Variants in ZNF721 observed in about 807,000 individuals in gnomAD.
The protein encoded by ZNF721 is zinc finger protein 721.
A neutral mutation model predicts 2.4 loss-of-function variants in ZNF721; 2 were observed. That is an observed-to-expected ratio of 0.82 (90% CI 0.34 to 2.58). The LOEUF (loss-of-function observed/expected upper bound fraction) is 2.58. Ranked by LOEUF, ZNF721 falls within the 30% of genes most tolerant of loss-of-function variation. The pLI is 0.11. For synonymous variants in ZNF721, 398 were observed against 381.8 expected, an observed-to-expected ratio of 1.04 and a Z score of -0.50; for missense variants, 1,187 against 1,085.5, an observed-to-expected ratio of 1.09 and a Z score of -1.31.
chr4:487,804 C>G (rs1715933769), intron 1 of ZNF721, among the ~76,000 whole-genome samples: 1 of 152,122 alleles, frequency 6.6e-6, no homozygotes. Context: ...GGTCTGGGAG[C>G]AGGGAACCTA....
chr4:496,738 G>A (rs1185810057), intron 1 of ZNF721, among the ~76,000 whole-genome samples: 4 of 96,628 alleles, frequency 4.1e-5, no homozygotes, highest in Non-Finnish European at 8.8e-5. Flanking sequence ...TTTTTGAGAC[G>A]GAGTCTCGCT....
intron 2 of ZNF721, among the ~76,000 whole-genome samples, chr4:471,239 C>T (rs1225512308): frequency 6.6e-6 from 1 of 152,052 alleles, no homozygotes; most frequent in Non-Finnish European, 1.5e-5. Flanking sequence ...TCCAGCAATA[C>T]CACTTCTGGT....
intron 2 of ZNF721, among the ~76,000 whole-genome samples, chr4:446,829 A>C (rs976629455): frequency 2.6e-5 from 4 of 152,014 alleles, no homozygotes; most frequent in Non-Finnish European, 5.9e-5. Flanking sequence ...AGTAGCTGGG[A>C]CTACAGGCGC....
At chr4:474,766 C>T (rs1715581601) in intron 1 of ZNF721, among the ~76,000 whole-genome samples, 2 of 152,034 alleles carry the variant, frequency 1.3e-5, no homozygotes, top group Admixed American at 6.5e-5. Context: ...ATCCCAGCTA[C>T]TCATGAAGCT....
chr4:441,395 G>A lies in ZNF721; in HGVS notation c.*300C>T, dbSNP rs551084867. ...TTTGTATTTCCAGGTGTTTTCTTCAGTAGGAATTACATTAAGAACTGACTA... is the reference window on the plus strand; with the variant it reads ...TTTGTATTTCCAGGTGTTTTCTTCAATAGGAATTACATTAAGAACTGACTA... On this transcript the variant is annotated 3_prime_UTR_variant, in exon 3 of 3. Coordinates refer to ENST00000511833, the MANE Select transcript of ZNF721 (RefSeq NM_133474.4). 1.3e-5 allele frequency: 3 copies of A among 238,562 alleles called. No individual in the cohort carries two copies. The East Asian group carries it at 2.6e-4, about 21-fold the overall frequency. 14.8% of individuals were successfully genotyped at this position (238,562 alleles called of 1,614,324 possible). A position where few individuals can be genotyped will look rare whatever the true frequency, so the allele number is the denominator to read the frequency against.
intron 1 of ZNF721, among the ~76,000 whole-genome samples, chr4:492,292 A>G (rs1417211617): frequency 6.6e-6 from 1 of 152,224 alleles, no homozygotes; most frequent in Non-Finnish European, 1.5e-5. Context: ...GCCAGTTACC[A>G]AAAGGCAAAA....
chr4:448,820 T>G (rs1193060389), intron 2 of ZNF721, among the ~76,000 whole-genome samples: 1 of 152,234 alleles, frequency 6.6e-6, no homozygotes, highest in Non-Finnish European at 1.5e-5. Flanking sequence ...TCATAATTAC[T>G]GCAGCATTGT....
At chr4:464,242 G>A (rs1037288846) in intron 2 of ZNF721, among the ~76,000 whole-genome samples, 3 of 152,034 alleles carry the variant, frequency 2.0e-5, no homozygotes, top group Non-Finnish European at 2.9e-5. Flanking sequence ...AGGCCAAGGC[G>A]GGTGTATCAC....
chr4:496,478 C>T (rs547003051), intron 1 of ZNF721, among the ~76,000 whole-genome samples: 1 of 152,220 alleles, frequency 6.6e-6, no homozygotes, highest in Non-Finnish European at 1.5e-5. Context: ...CTCCCAGACA[C>T]CCTCACGTGA....
intron 2 of ZNF721, among the ~76,000 whole-genome samples, chr4:455,935 G>A (rs1158444974): frequency 6.6e-6 from 1 of 151,936 alleles, no homozygotes; most frequent in Non-Finnish European, 1.5e-5. Context: ...AATCACCTTT[G>A]AATAACAAGT....
rs782656713 is a variant in ZNF721 at position 443,860 on chromosome 4, C to G, written c.607G>C (p.Gly203Arg). 6.2e-6 allele frequency: 10 copies of G among 1,613,768 alleles called. No homozygotes were observed. In the Admixed American group the frequency reaches 1.7e-4, roughly 27 times the overall value. Reference protein sequence around the residue: ...YTGEDRDRAFGWSTNLNEYKK... With the variant: ...YTGEDRDRAFRWSTNLNEYKK... ...TATTCATTCAGGTTTGTGGACCATC[C>G]AAAGGCTCTGTCACGATCTTCACCT... Residue 203 changes from glycine (G) to arginine (R), a missense_variant, in exon 3 of 3, where the codon GGA (glycine) becomes CGA (arginine). Gly to Arg is a moderately radical substitution (Grantham distance 125, BLOSUM62 -2). Coordinates refer to ENST00000511833, the MANE Select transcript of ZNF721 (RefSeq NM_133474.4).
intron 1 of ZNF721, among the ~76,000 whole-genome samples, chr4:494,915 G>A (rs562965191): frequency 6.3e-5 from 9 of 143,222 alleles, no homozygotes; most frequent in Middle Eastern, 3.6e-3. Context: ...TTTTTGAGAC[G>A]GAGTCTCACT....
chr4:458,802 C>T (rs1414200747), intron 2 of ZNF721, among the ~76,000 whole-genome samples: 1 of 151,850 alleles, frequency 6.6e-6, no homozygotes, highest in Non-Finnish European at 1.5e-5. Context: ...GCTGAGATTG[C>T]GCCACTGCAC....
intron 2 of ZNF721, among the ~76,000 whole-genome samples, chr4:450,682 A>C (rs1553864731): frequency 6.6e-6 from 1 of 151,668 alleles, no homozygotes; most frequent in African/African-American, 2.4e-5. Context: ...TCATGCCTGT[A>C]ATCCCAGCAC....
At chr4:478,901 C>G (rs2108717017) in intron 1 of ZNF721, among the ~76,000 whole-genome samples, 1 of 151,852 alleles carries the variant, frequency 6.6e-6, no homozygotes, top group Admixed American at 6.6e-5. Flanking sequence ...TTCCGAGTAG[C>G]TGGGATTACA....
chr4:481,812 C>T (rs1421031201), intron 1 of ZNF721, among the ~76,000 whole-genome samples: 1 of 152,194 alleles, frequency 6.6e-6, no homozygotes, highest in Non-Finnish European at 1.5e-5. Context: ...AGACAAACAC[C>T]CAGAATCTGT....
intron 2 of ZNF721, among the ~76,000 whole-genome samples, chr4:452,791 T>C (rs1388358045): frequency 1.3e-5 from 2 of 152,218 alleles, no homozygotes; most frequent in African/African-American, 4.8e-5. Context: ...GGACCTCTGC[T>C]TCAACCATGA....
At chr4:459,596 C>T (rs972818787) in intron 2 of ZNF721, among the ~76,000 whole-genome samples, 4 of 152,052 alleles carry the variant, frequency 2.6e-5, no homozygotes, top group South Asian at 4.2e-4. Flanking sequence ...TTTGAGAGGC[C>T]GAGGTGGACA....
intron 2 of ZNF721, among the ~76,000 whole-genome samples, chr4:466,259 GC>G (rs1553866763): frequency 6.6e-6 from 1 of 152,212 alleles, no homozygotes; most frequent in Non-Finnish European, 1.5e-5. Flanking sequence ...TCGCACACAT[GC>G]TGTCTTCATG....
Sources: gnomAD v4.1 joint callset for allele counts (sites outside exome capture counted in the v4.1 genomes callset) on GRCh38, gnomAD v4.1.1 for gene constraint, MANE v1.5 for transcripts, NCBI Gene and HGNC (gene_info 2026-07-23, HGNC 2026-07-21) for gene names.